The following SYNPO2 variants were observed in gnomAD, a reference collection of about 807,000 sequenced individuals.
The protein encoded by SYNPO2 is synaptopodin-2.
SYNPO2 carries 56 observed loss-of-function variants against 85.0 expected under a neutral mutation model. That is an observed-to-expected ratio of 0.66 (90% CI 0.53 to 0.82). The LOEUF (loss-of-function observed/expected upper bound fraction) is 0.82, where lower values mean the gene tolerates loss of function less well. Ranked by LOEUF, SYNPO2 falls within the 40% of genes least tolerant of loss-of-function variation. The pLI is 0.00. For missense variants in SYNPO2, 1,575 were observed against 1,534.2 expected (o/e 1.03, Z -0.44); for synonymous variants, 602 against 591.1 (o/e 1.02, Z -0.27).
chr4:119,008,197 G>A (rs1214213362), intron 1 of SYNPO2, among the ~76,000 whole-genome samples: 2 of 152,148 alleles, frequency 1.3e-5, no homozygotes, highest in African/African-American at 2.4e-5. Context: ...TGAGTTTAGT[G>A]CCCTTCTCAC....
At chr4:118,923,557 T>C (rs146280142) in intron 1 of SYNPO2, among the ~76,000 whole-genome samples, 15 of 152,096 alleles carry the variant, frequency 9.9e-5, no homozygotes, top group African/African-American at 3.4e-4. Context: ...AGTTAAAAAA[T>C]AATAATAGAA....
upstream of SYNPO2, among the ~76,000 whole-genome samples, chr4:118,884,864 T>C (rs188633068): frequency 1.0e-3 from 158 of 152,216 alleles, 1 homozygote; most frequent in African/African-American, 3.7e-3. Flanking sequence ...TCTCACAGGG[T>C]TAATAACCTA....
chr4:119,033,100 C>T, intron 4 of SYNPO2: 1 of 985,346 alleles, frequency 1.0e-6, no homozygotes, highest in Non-Finnish European at 1.2e-6. Context: ...ATTGTTTCAC[C>T]TGGAGAAACC....
chr4:119,007,346 T>G (rs1737120442), intron 1 of SYNPO2, among the ~76,000 whole-genome samples: 1 of 138,580 alleles, frequency 7.2e-6, no homozygotes, highest in African/African-American at 2.7e-5. Flanking sequence ...CTAACTTTTT[T>G]AAAAACTGGA....
chr4:119,032,165 T>C (rs1376360924), intron 4 of SYNPO2, 138 bp downstream of exon 4: 29 of 1,478,044 alleles, frequency 2.0e-5, no homozygotes, highest in African/African-American at 2.8e-5. Flanking sequence ...TAATTTCAGA[T>C]ATGTCACCTC....
chr4:118,851,731 T>G (rs970515199), intron 1 of SYNPO2, among the ~76,000 whole-genome samples: 1 of 152,316 alleles, frequency 6.6e-6, no homozygotes, highest in East Asian at 1.9e-4. Context: ...TATTTTACAT[T>G]TTTTCAAATC....
intron 1 of SYNPO2, among the ~76,000 whole-genome samples, chr4:118,923,958 A>T (rs1733628713): frequency 6.6e-6 from 1 of 151,204 alleles, no homozygotes; most frequent in South Asian, 2.1e-4. Flanking sequence ...ATGAATTGTT[A>T]TTCTAAGTTT....
At chr4:119,003,193 C>T (rs1035170476) in intron 1 of SYNPO2, among the ~76,000 whole-genome samples, 9 of 152,056 alleles carry the variant, frequency 5.9e-5, no homozygotes, top group African/African-American at 2.2e-4. Context: ...GCTGGGGAGG[C>T]CTCAGGAAAC....
Position 118,883,097 on chromosome 4 carries a change from G to C in SYNPO2, c.12+32157G>C, listed in dbSNP as rs550469676. Among the ~76,000 whole-genome samples, 9 of 151,648 alleles carry C rather than the reference G, an allele frequency of 5.9e-5. No homozygotes were observed. The East Asian group carries it at 1.7e-3, about 29-fold the overall frequency. On this transcript the variant is annotated intron_variant, in intron 1 of 4. Coordinates refer to the SYNPO2 transcript ENST00000610556. ...TTTTTAAAGGCCTTTTAATAAGCAG[G>C]AAGATTTGATGGCCCAAAAGGACAG...
intron 4 of SYNPO2, 73 bp from the exon 5 acceptor site, chr4:119,057,328 T>C (rs1385574011): frequency 1.4e-6 from 2 of 1,418,732 alleles, no homozygotes; most frequent in Non-Finnish European, 1.9e-6. Context: ...GTAATGGTGC[T>C]AGGAATACTT....
At chr4:118,976,100 TCTCA>T (rs1735720433) in intron 1 of SYNPO2, among the ~76,000 whole-genome samples, 1 of 152,210 alleles carries the variant, frequency 6.6e-6, no homozygotes, top group Non-Finnish European at 1.5e-5. Flanking sequence ...GGGTTCTTGG[TCTCA>T]CTGACTTCAA....
intron 1 of SYNPO2, among the ~76,000 whole-genome samples, chr4:118,997,737 T>C (rs1203668400): frequency 6.6e-6 from 1 of 152,240 alleles, no homozygotes; most frequent in Admixed American, 6.5e-5. Flanking sequence ...AGTACTTTTA[T>C]GGGCACTGTT....
chr4:118,881,884 G>C (rs1732110787), intron 1 of SYNPO2, among the ~76,000 whole-genome samples: 1 of 152,238 alleles, frequency 6.6e-6, no homozygotes, highest in Non-Finnish European at 1.5e-5. Context: ...AAGTATTCCA[G>C]TTGCATCAGC....
At chr4:118,922,524 T>C (rs1039295143) in intron 1 of SYNPO2, among the ~76,000 whole-genome samples, 7 of 152,080 alleles carry the variant, frequency 4.6e-5, no homozygotes, top group Non-Finnish European at 7.4e-5. Context: ...AAACAGGTTT[T>C]GCTCTCCACT....
chr4:118,996,649 A>G (rs1288496578), intron 1 of SYNPO2, among the ~76,000 whole-genome samples: 3 of 151,908 alleles, frequency 2.0e-5, no homozygotes, highest in African/African-American at 7.3e-5. Flanking sequence ...TGAGGTCAGG[A>G]GATTGAGACT....
chr4:119,012,413 GAT>G (rs1298607898), intron 1 of SYNPO2, among the ~76,000 whole-genome samples: 2 of 129,924 alleles, frequency 1.5e-5, no homozygotes, highest in Non-Finnish European at 3.2e-5. Flanking sequence ...TAAGTTCTGG[GAT>G]ACATGTGCAG....
At chr4:118,976,137 GGTGA>G (rs1735723956) in intron 1 of SYNPO2, among the ~76,000 whole-genome samples, 1 of 152,106 alleles carries the variant, frequency 6.6e-6, no homozygotes, top group South Asian at 2.1e-4. Context: ...GGACTCTCGC[GGTGA>G]GTGTTACAGC....
At chr4:118,852,258 TAC>T (rs1731433140) in intron 1 of SYNPO2, among the ~76,000 whole-genome samples, 1 of 152,200 alleles carries the variant, frequency 6.6e-6, no homozygotes, top group Non-Finnish European at 1.5e-5. Flanking sequence ...GGAACGTTTA[TAC>T]ATTGTCTGTG....
chr4:118,990,288 A>T (rs1254979237), intron 1 of SYNPO2, among the ~76,000 whole-genome samples: 2 of 152,252 alleles, frequency 1.3e-5, no homozygotes, highest in Non-Finnish European at 2.9e-5. Flanking sequence ...TCTCTCACAA[A>T]GAAACGTGCA....
Sources: gnomAD v4.1 joint callset for allele counts (sites outside exome capture counted in the v4.1 genomes callset) on GRCh38, gnomAD v4.1.1 for gene constraint, MANE v1.5 for transcripts, NCBI Gene and HGNC (gene_info 2026-07-23, HGNC 2026-07-21) for gene names.